Variants in IMMP2L observed in about 807,000 individuals in gnomAD.
IMMP2L encodes inner mitochondrial membrane peptidase subunit 2.
A neutral mutation model predicts 19.3 loss-of-function variants in IMMP2L; 18 were observed. The ratio of observed to expected loss-of-function variants is 0.93; its 90% CI spans 0.64 to 1.38. IMMP2L has a LOEUF of 1.38. Ranked by LOEUF, IMMP2L falls within the 40% of genes most tolerant of loss-of-function variation. IMMP2L has a pLI of 0.00. For missense variants in IMMP2L, 233 were observed against 218.2 expected (o/e 1.07, Z -0.43); for synonymous variants, 76 against 73.0 (o/e 1.04, Z -0.21).
At chr7:111,465,679 G>C (rs1211947737) in intron 3 of IMMP2L, among the ~76,000 whole-genome samples, 1 of 152,010 alleles carries the variant, frequency 6.6e-6, no homozygotes, top group Non-Finnish European at 1.5e-5. Flanking sequence ...GAAACAACAG[G>C]TGCTGGAGAG....
Position 111,503,658 on chromosome 7 carries a change from A to G in IMMP2L, c.136-16317T>C, listed in dbSNP as rs1337361934. ...GGCTTCATCCCTGGGATGAAAGGCT[A>G]GTTCAACATACACAAATCAATAAAT... On this transcript the variant is annotated intron_variant, in intron 2 of 5. Transcript: ENST00000405709. Among the ~76,000 whole-genome samples the G allele has an allele frequency of 4.6e-5, 7 of 152,206 alleles. No homozygotes were observed. The South Asian group carries it at 6.2e-4, about 14-fold the overall frequency.
intron 4 of IMMP2L, among the ~76,000 whole-genome samples, chr7:110,904,238 TAGA>T (rs896787530): frequency 5.9e-5 from 9 of 152,210 alleles, no homozygotes; most frequent in Non-Finnish European, 7.4e-5. Flanking sequence ...CTTTGCTCTG[TAGA>T]AGATTTTTAG....
chr7:111,504,603 G>A (rs1311578072), intron 2 of IMMP2L, among the ~76,000 whole-genome samples: 1 of 152,052 alleles, frequency 6.6e-6, no homozygotes, highest in Non-Finnish European at 1.5e-5. Flanking sequence ...AAAACAGCAT[G>A]GTACTGGTAC....
intron 5 of IMMP2L, among the ~76,000 whole-genome samples, chr7:110,828,997 G>T (rs1460334929): frequency 6.6e-6 from 1 of 152,114 alleles, no homozygotes. Flanking sequence ...TAATAACAAT[G>T]TTAGAAGTAA....
At chr7:110,939,785 G>T (rs1448389540) in intron 4 of IMMP2L, among the ~76,000 whole-genome samples, 1 of 152,138 alleles carries the variant, frequency 6.6e-6, no homozygotes, top group Non-Finnish European at 1.5e-5. Flanking sequence ...GAACATAGCA[G>T]GCTGTTAGAA....
intron 5 of IMMP2L, among the ~76,000 whole-genome samples, chr7:110,859,680 T>C (rs1475795286): frequency 6.6e-6 from 1 of 151,150 alleles, no homozygotes; most frequent in Admixed American, 6.6e-5. Flanking sequence ...GTGGCAGAGG[T>C]TGTAGTGAGC....
chr7:111,392,808 T>G (rs1365285431), intron 3 of IMMP2L: 1 of 456,584 alleles, frequency 2.2e-6, no homozygotes, highest in Admixed American at 2.4e-5. Context: ...TTACCATTAC[T>G]GGTGCATTAA....
At chr7:111,010,791 G>C (rs1224254103) in intron 3 of IMMP2L, among the ~76,000 whole-genome samples, 2 of 152,050 alleles carry the variant, frequency 1.3e-5, no homozygotes, top group Non-Finnish European at 2.9e-5. Flanking sequence ...GAGCATAAAG[G>C]AAGCACAGAG....
chr7:110,714,511 T>C (rs1273938120), intron 5 of IMMP2L, among the ~76,000 whole-genome samples: 1 of 152,164 alleles, frequency 6.6e-6, no homozygotes, highest in African/African-American at 2.4e-5. Flanking sequence ...TTTTTAATAG[T>C]TTCAGTACAA....
intron 3 of IMMP2L, among the ~76,000 whole-genome samples, chr7:111,334,880 T>C (rs1315118659): frequency 2.0e-5 from 3 of 152,120 alleles, no homozygotes; most frequent in African/African-American, 7.2e-5. Flanking sequence ...AAGAGAAAGG[T>C]TGATTCGGGG....
intron 3 of IMMP2L, among the ~76,000 whole-genome samples, chr7:111,229,672 T>A (rs1254327181): frequency 3.9e-5 from 6 of 152,054 alleles, no homozygotes; most frequent in Non-Finnish European, 8.8e-5. Flanking sequence ...AGTGAAGAAT[T>A]TCCAGGACAT....
chr7:111,019,720 G>A (rs1175901661), intron 3 of IMMP2L, among the ~76,000 whole-genome samples: 1 of 152,148 alleles, frequency 6.6e-6, no homozygotes, highest in Non-Finnish European at 1.5e-5. Context: ...TAAATCAGCA[G>A]CTAATGCCAG....
At chr7:111,217,120 T>A (rs866140369) in intron 3 of IMMP2L, among the ~76,000 whole-genome samples, 3,090 of 137,684 alleles carry the variant, frequency 0.022, 79 homozygotes, top group African/African-American at 0.08. Flanking sequence ...TCTCTCTCTC[T>A]CTCTCTCACA....
intron 3 of IMMP2L, among the ~76,000 whole-genome samples, chr7:111,210,535 C>T: frequency 6.6e-6 from 1 of 152,022 alleles, no homozygotes; most frequent in East Asian, 1.9e-4. Flanking sequence ...CTTCTCACTA[C>T]CATTGGAAAG....
rs554130905 is a variant in IMMP2L at position 111,094,274 on chromosome 7, T to C, written c.240-130709A>G. Among the ~76,000 whole-genome samples, 3 of 152,224 alleles carry C rather than the reference T, an allele frequency of 2.0e-5. No individual in the cohort carries two copies. The East Asian group carries it at 5.8e-4, about 29-fold the overall frequency. The stretch of plus-strand genomic sequence containing the variant: ...AAACACTTATGTAAGTTAAATGTTA[T>C]TACTTAATTAGCAGCCCCTGAAAAT... On this transcript the variant is annotated intron_variant, in intron 3 of 5. Transcript: ENST00000405709.
intron 5 of IMMP2L, among the ~76,000 whole-genome samples, chr7:110,713,414 G>C (rs1795028242): frequency 6.6e-6 from 1 of 152,060 alleles, no homozygotes; most frequent in Admixed American, 6.6e-5. Context: ...GTTTCCATAC[G>C]AATTTTAAAA....
intron 5 of IMMP2L, among the ~76,000 whole-genome samples, chr7:110,818,297 G>T (rs897035404): frequency 3.9e-5 from 6 of 152,040 alleles, no homozygotes; most frequent in African/African-American, 1.4e-4. Flanking sequence ...TCAACAAGTG[G>T]GCGAAGGATA....
intron 3 of IMMP2L, among the ~76,000 whole-genome samples, chr7:111,336,380 G>T (rs1009140527): frequency 6.6e-6 from 1 of 151,820 alleles, no homozygotes; most frequent in South Asian, 2.1e-4. Context: ...GGAAGATAAA[G>T]AAATAAAAAT....
At chr7:111,194,605 C>G (rs1322410213) in intron 3 of IMMP2L, among the ~76,000 whole-genome samples, 1 of 152,138 alleles carries the variant, frequency 6.6e-6, no homozygotes, top group Non-Finnish European at 1.5e-5. Flanking sequence ...ACAACAAGTA[C>G]TCAATAGATG....
Sources: gnomAD v4.1 joint callset for allele counts (sites outside exome capture counted in the v4.1 genomes callset) on GRCh38, gnomAD v4.1.1 for gene constraint, MANE v1.5 for transcripts, NCBI Gene and HGNC (gene_info 2026-07-23, HGNC 2026-07-21) for gene names.